Variants in MATN3 observed in about 807,000 individuals in gnomAD.
MATN3 encodes the protein matrilin-3.
Under a neutral mutation model 45.3 loss-of-function variants are expected in MATN3, and 48 were observed. That is an observed-to-expected ratio of 1.06 (90% confidence interval 0.84 to 1.35). MATN3 has a LOEUF of 1.35. MATN3 is among the 40% of genes most tolerant of loss of function. MATN3 has a pLI of 0.00. For missense variants in MATN3, 599 were observed against 628.0 expected, an observed-to-expected ratio of 0.95 and a Z score of 0.49; for synonymous variants, 217 against 245.9, an observed-to-expected ratio of 0.88 and a Z score of 1.10.
chr2:19,993,249 A>G (rs974463145), intron 7 of MATN3, 83 bp from the exon 8 acceptor site: 11 of 1,034,516 alleles, frequency 1.1e-5, no homozygotes, highest in Admixed American at 4.2e-5. Context: ...ACAAGATAAA[A>G]TAATTATGTC....
rs1367038224 is a variant in MATN3 at position 19,992,767 on chromosome 2, T to C, written c.*344A>G. 4.4e-6 allele frequency: 1 copy of C among 226,600 alleles called. No homozygotes were observed. Among genetic ancestry groups the C allele is most frequent in the Non-Finnish European group, 8.5e-6 (1 of 117,224 alleles). The allele number at this position is 226,600 out of a possible 1,614,324, so 14.0% of individuals were successfully genotyped here. A position where few individuals can be genotyped will look rare whatever the true frequency, so the allele number is the denominator to read the frequency against. ...AAAGAAACTAGACCTAAAGTTTCCA[T>C]TGTGAATATGGTTATCTAATATAAA... On this transcript the variant is annotated 3_prime_UTR_variant, in exon 8 of 8. Coordinates refer to ENST00000407540, the MANE Select transcript of MATN3 (RefSeq NM_002381.5).
chr2:20,002,798 T>A (rs1425511384), intron 3 of MATN3, among the ~76,000 whole-genome samples: 1 of 151,196 alleles, frequency 6.6e-6, no homozygotes. Context: ...AGAGATGGGG[T>A]CTCACCATGT....
At position 20,005,996 on chromosome 2, in the gene MATN3, C is replaced by A; in HGVS notation, c.538G>T (p.Ala180Ser). The A allele has an allele frequency of 6.2e-7, 1 of 1,614,018 alleles. No homozygotes were observed. Among genetic ancestry groups the A allele is most frequent in the Non-Finnish European group, 8.5e-7 (1 of 1,179,886 alleles). Reference sequence around the variant, plus strand: ...GGGATGTTAGAAGAGGGCTCTCGAGCCCCTGCCTCCACTGTGAAGGCTTCG... The same window carrying A: ...GGGATGTTAGAAGAGGGCTCTCGAGACCCTGCCTCCACTGTGAAGGCTTCG... ...MDEAFTVEAGAREPSSNIPKV... is the reference protein window; with the variant it reads ...MDEAFTVEAGSREPSSNIPKV... Residue 180 changes from alanine (A) to serine (S), a missense_variant, in exon 2 of 8, where the codon GCT (alanine) becomes TCT (serine). Ala to Ser is a moderately conservative substitution (Grantham distance 99). Coordinates refer to ENST00000407540, the MANE Select transcript of MATN3 (RefSeq NM_002381.5).
chr2:20,008,469 G>GA (rs905462910), intron 1 of MATN3, among the ~76,000 whole-genome samples: 4 of 152,148 alleles, frequency 2.6e-5, no homozygotes, highest in African/African-American at 4.8e-5. Flanking sequence ...GCAGTTTATA[G>GA]AAAAAAATTA....
Position 20,004,911 on chromosome 2 carries a change from A to G in MATN3, c.790+833T>C, listed in dbSNP as rs564149685. ...AGAGGGAACAAAAGATTATCTCCAG[A>G]TGATAAAAAAATAAAGCATGAGTCC... On this transcript the variant is annotated intron_variant, in intron 2 of 7. Coordinates refer to ENST00000407540, the MANE Select transcript of MATN3 (RefSeq NM_002381.5). Among the ~76,000 whole-genome samples the G allele has an allele frequency of 9.1e-4, 138 of 152,324 alleles. 1 individual carries two copies. The highest frequency in any genetic ancestry group is 3.2e-3 in the African/African-American group (131 of 41,574).
At chr2:20,010,066 C>CGAAA (rs1558376342) in intron 1 of MATN3, among the ~76,000 whole-genome samples, 1 of 5,564 alleles carries the variant, frequency 1.8e-4, no homozygotes, top group African/African-American at 2.3e-3. Flanking sequence ...TCTTCAAATA[C>CGAAA]TAAAAAAAAA....
At chr2:19,998,573 T>C (rs998467689) in intron 5 of MATN3, among the ~76,000 whole-genome samples, 1 of 152,034 alleles carries the variant, frequency 6.6e-6, no homozygotes, top group African/African-American at 2.4e-5. Context: ...TTGGACAAAA[T>C]GTCAAAACCC....
chr2:20,008,846 C>T (rs938311530), intron 1 of MATN3, among the ~76,000 whole-genome samples: 1 of 152,164 alleles, frequency 6.6e-6, no homozygotes, highest in African/African-American at 2.4e-5. Context: ...AATCAACATT[C>T]TCTCATGTAT....
At chr2:20,003,332 A>G in intron 2 of MATN3, 46 bp from the exon 3 acceptor site, 2 of 1,539,604 alleles carry the variant, frequency 1.3e-6, no homozygotes, top group African/African-American at 1.4e-5. Context: ...CTTAGGAAAC[A>G]TCTCAGATAC....
chr2:20,000,295 G>A, intron 5 of MATN3, 146 bp downstream of exon 5: 1 of 669,394 alleles, frequency 1.5e-6, no homozygotes, highest in Non-Finnish European at 2.4e-6. Flanking sequence ...ACCACCCTCT[G>A]AGCAATGTGT....
At chr2:20,002,599 T>C (rs925198004) in intron 3 of MATN3, among the ~76,000 whole-genome samples, 8 of 152,148 alleles carry the variant, frequency 5.3e-5, no homozygotes, top group Non-Finnish European at 8.8e-5. Flanking sequence ...TCTTTTCCTT[T>C]TTGTGTGTGT....
chr2:20,004,249 C>T (rs1029070566), intron 2 of MATN3: 1 of 152,172 alleles, frequency 6.6e-6, no homozygotes, highest in Non-Finnish European at 1.5e-5. Flanking sequence ...GGACGTTTTT[C>T]CCCCAGAACA....
At position 19,995,200 on chromosome 2, in the gene MATN3, C is replaced by A. The variant is rs1195822647; in HGVS notation, c.1295-791G>T. Among the ~76,000 whole-genome samples, 2 of 152,180 alleles carry A rather than the reference C, an allele frequency of 1.3e-5. No individual in the cohort carries two copies. Among genetic ancestry groups the A allele is most frequent in the South Asian group, 4.1e-4 (2 of 4,824 alleles). On this transcript the variant is annotated intron_variant, in intron 6 of 7. Transcript: ENST00000407540. The surrounding 1 kb of genome is among the most constrained non-coding windows in gnomAD (Gnocchi z 4.2). ...AGGCGCAGTGGCTCACACCTGTAAT[C>A]CCAGGACTTTGGGAGGCCAAGGTGG...
At position 19,997,208 on chromosome 2, in the gene MATN3, C is replaced by G. The variant is rs761571581; in HGVS notation, c.1220G>C (p.Ser407Thr). Residue 407 changes from serine (S) to threonine (T), a missense_variant, in exon 6 of 8, where the codon AGT (serine) becomes ACT (threonine). Physicochemically the swap from Ser to Thr is moderately conservative, Grantham distance 58 (BLOSUM62 1). Coordinates refer to ENST00000407540, the MANE Select transcript of MATN3 (RefSeq NM_002381.5). Reference protein sequence around the residue: ...GSHGCQHICVSDGAASYHCDC... With the variant: ...GSHGCQHICVTDGAASYHCDC... ...ACAGTGGTAGGATGCGGCCCCATCA[C>G]TCACACAAATGTGCTGGCAACCATG... 13 of 1,613,816 alleles carry G rather than the reference C, an allele frequency of 8.1e-6. No individual in the cohort carries two copies. The highest frequency in any genetic ancestry group is 1.1e-5 in the Non-Finnish European group (13 of 1,179,766).
chr2:20,009,913 T>C (rs1483989291), intron 1 of MATN3, among the ~76,000 whole-genome samples: 5 of 151,918 alleles, frequency 3.3e-5, no homozygotes, highest in Non-Finnish European at 7.4e-5. Flanking sequence ...ATGTATTTCT[T>C]AAATGTATTT....
rs1293559753 is a variant in MATN3 at position 19,994,303 on chromosome 2, A to G, written c.1401T>C (p.Thr467=). The change falls in exon 7 of 8, where the codon ACT becomes ACC. Residue 467 remains threonine, a synonymous_variant. Coordinates refer to ENST00000407540, the MANE Select transcript of MATN3 (RefSeq NM_002381.5). ...KVSSYLQRLN[T]KLDDILEKLK... is the part of the protein sequence containing the mutation. ...AAAACCTTCCAGAAAGGATATGTTT[A>G]GTGTTCAGTCTTTGAAGATACGAGC... 6.2e-7 allele frequency: 1 copy of G among 1,605,944 alleles called. No individual in the cohort carries two copies. Among genetic ancestry groups the G allele is most frequent in the African/African-American group, 1.3e-5 (1 of 74,774 alleles).
rs775811489 is a variant in MATN3, at chr2:19,995,338, A to C, written c.1295-929T>G. ...CGTGGTGGCCCATGCCTGTAATCCC[A>C]GCTACTCGGGAGACTGAGGCAGGAG... On this transcript the variant is annotated intron_variant, in intron 6 of 7. Transcript: ENST00000407540. This position sits in a 1 kb window ranked among gnomAD's most constrained non-coding sequence, Gnocchi z 4.2. 6.6e-5 allele frequency among the ~76,000 whole-genome samples: 10 copies of C among 151,946 alleles called. No individual in the cohort carries two copies. The highest frequency in any genetic ancestry group is 1.5e-4 in the Non-Finnish European group (10 of 68,000).
Position 19,994,335 on chromosome 2 carries a change from T to G in MATN3, c.1369A>C (p.Lys457Gln), listed in dbSNP as rs759001931. 2 of 1,613,672 alleles carry G rather than the reference T, an allele frequency of 1.2e-6. No homozygotes were observed. Among genetic ancestry groups the G allele is most frequent in the South Asian group, 2.2e-5 (2 of 91,000 alleles). Reference sequence around the variant, plus strand: ...AGTCTTTGAAGATACGAGCTGACCTTGTCCTGGAATGCCAGTGTAGCTTCA... The same window carrying G: ...AGTCTTTGAAGATACGAGCTGACCTGGTCCTGGAATGCCAGTGTAGCTTCA... ...GCEATLAFQDKVSSYLQRLNT... is the reference protein window; with the variant it reads ...GCEATLAFQDQVSSYLQRLNT... Residue 457 changes from lysine (K) to glutamine (Q), a missense_variant, in exon 7 of 8, where the codon AAG becomes CAG. Physicochemically the swap from Lys to Gln is moderately conservative, Grantham distance 53. Transcript: ENST00000407540.
chr2:20,005,672 C>T, intron 2 of MATN3, 72 bp downstream of exon 2: 2 of 1,196,098 alleles, frequency 1.7e-6, no homozygotes, highest in South Asian at 1.6e-5. Flanking sequence ...AAGAATAATA[C>T]TCTTTTCTCT....
Sources: allele counts gnomAD v4.1 joint callset (sites outside exome capture counted in the v4.1 genomes callset), GRCh38; gene constraint gnomAD v4.1.1; non-coding constraint Gnocchi (gnomAD v3.1); transcripts MANE v1.5; gene names NCBI Gene and HGNC (gene_info 2026-07-23, HGNC 2026-07-21).